Variants in SPECC1L observed in about 807,000 individuals in gnomAD.
SPECC1L encodes cytospin-A.
Under a neutral mutation model 116.8 loss-of-function variants are expected in SPECC1L, and 40 were observed. The observed-to-expected ratio is 0.34, with a 90% CI of 0.27 to 0.45. SPECC1L has a LOEUF of 0.45. Ranked by LOEUF, SPECC1L falls within the 20% of genes least tolerant of loss-of-function variation. SPECC1L has a pLI of 1.00. For synonymous variants in SPECC1L, 504 were observed against 500.6 expected, an observed-to-expected ratio of 1.01 and a Z score of -0.09; for missense variants, 1,110 against 1,373.6, an observed-to-expected ratio of 0.81 and a Z score of 3.03.
At chr22:24,372,016 C>G (rs528578212) in intron 14 of SPECC1L, among the ~76,000 whole-genome samples, 1 of 152,242 alleles carries the variant, frequency 6.6e-6, no homozygotes, top group Non-Finnish European at 1.5e-5. Context: ...CCACCGCGCC[C>G]GGTCTCAAAG....
chr22:24,357,823 C>T (rs1344559244), intron 11 of SPECC1L, among the ~76,000 whole-genome samples: 3 of 152,190 alleles, frequency 2.0e-5, no homozygotes, highest in Non-Finnish European at 4.4e-5. Context: ...TTAGGCTGTC[C>T]TTTGCATTTC....
chr22:24,296,598 T>G (rs1186187205), intron 2 of SPECC1L, among the ~76,000 whole-genome samples: 2 of 151,360 alleles, frequency 1.3e-5, no homozygotes, highest in Non-Finnish European at 2.9e-5. Flanking sequence ...TTTCCACCAC[T>G]TCCCCTTCTC....
intron 3 of SPECC1L, among the ~76,000 whole-genome samples, chr22:24,311,095 T>C (rs939703013): frequency 6.6e-6 from 1 of 152,224 alleles, no homozygotes; most frequent in Non-Finnish European, 1.5e-5. Flanking sequence ...GGACTCTGTT[T>C]CACTAGTTTA....
At chr22:24,412,842 G>GGACCCTCCCTT in intron 16 of SPECC1L, 135 bp downstream of exon 16, 1 of 916,240 alleles carries the variant, frequency 1.1e-6, no homozygotes, top group Non-Finnish European at 1.8e-6. Context: ...GGGTGCTCTG[G>GGACCCTCCCTT]GGCCAAGGGA....
At chr22:24,344,959 G>A (rs2041260242) in intron 10 of SPECC1L, among the ~76,000 whole-genome samples, 1 of 152,098 alleles carries the variant, frequency 6.6e-6, no homozygotes, top group South Asian at 2.1e-4. Context: ...TTTTAAATTG[G>A]TCTGTAGATT....
intron 11 of SPECC1L, among the ~76,000 whole-genome samples, chr22:24,360,608 G>A (rs1277713147): frequency 6.6e-6 from 1 of 152,046 alleles, no homozygotes; most frequent in African/African-American, 2.4e-5. Flanking sequence ...AGAAAATTAA[G>A]ATAACTTAGA....
At chr22:24,345,126 G>A (rs2041264193) in intron 10 of SPECC1L, among the ~76,000 whole-genome samples, 1 of 152,190 alleles carries the variant, frequency 6.6e-6, no homozygotes, top group Admixed American at 6.5e-5. Context: ...TGTACTACCT[G>A]ATTTCAACAT....
chr22:24,374,786 G>A (rs948666107), intron 14 of SPECC1L, among the ~76,000 whole-genome samples: 1 of 150,680 alleles, frequency 6.6e-6, no homozygotes, highest in Admixed American at 6.6e-5. Context: ...TAAAAAAAAA[G>A]GAAGTAGAAA....
chr22:24,280,642 A>G, intron 2 of SPECC1L, among the ~76,000 whole-genome samples: 1 of 146,838 alleles, frequency 6.8e-6, no homozygotes, highest in Admixed American at 6.9e-5. Context: ...CAGCAGTATG[A>G]CCACAGCTTA....
At chr22:24,411,505 C>T in intron 14 of SPECC1L, 83 bp from the exon 15 acceptor site, 1 of 1,259,086 alleles carries the variant, frequency 7.9e-7, no homozygotes, top group African/African-American at 1.5e-5. Context: ...CATGCAGCAT[C>T]TGAGGCCTCC....
chr22:24,324,654 C>T (rs1012147282), intron 6 of SPECC1L, among the ~76,000 whole-genome samples: 116 of 152,058 alleles, frequency 7.6e-4, no homozygotes, highest in African/African-American at 2.8e-3. Context: ...AGTTTGAGAC[C>T]AGCCTGGCCA....
At chr22:24,391,538 T>TA (rs999374606) in intron 14 of SPECC1L, among the ~76,000 whole-genome samples, 15 of 151,996 alleles carry the variant, frequency 9.9e-5, no homozygotes, top group African/African-American at 3.6e-4. Flanking sequence ...GGGGAAGGAG[T>TA]GGAGGCCTTG....
At chr22:24,351,788 C>T (rs2041429850) in intron 11 of SPECC1L, among the ~76,000 whole-genome samples, 1 of 152,164 alleles carries the variant, frequency 6.6e-6, no homozygotes, top group Non-Finnish European at 1.5e-5. Flanking sequence ...GCTTTTCTTC[C>T]TTGGTTGTCT....
At chr22:24,293,468 A>G (rs1444190896) in intron 2 of SPECC1L, among the ~76,000 whole-genome samples, 1 of 152,096 alleles carries the variant, frequency 6.6e-6, no homozygotes, top group Non-Finnish European at 1.5e-5. Context: ...AAAAAATAAA[A>G]GGGGGGAAAA....
intron 14 of SPECC1L, among the ~76,000 whole-genome samples, chr22:24,382,253 A>G (rs997203367): frequency 6.6e-6 from 1 of 152,122 alleles, no homozygotes; most frequent in African/African-American, 2.4e-5. Context: ...TTTTTCCCTT[A>G]GGGCGGTGGC....
At chr22:24,272,345 A>G (rs1187644550) in intron 1 of SPECC1L, among the ~76,000 whole-genome samples, 4 of 152,052 alleles carry the variant, frequency 2.6e-5, no homozygotes, top group East Asian at 2.0e-4. Context: ...AGCCTGGGCT[A>G]CAGAGCGAGG....
intron 10 of SPECC1L, among the ~76,000 whole-genome samples, chr22:24,339,870 T>A (rs942996493): frequency 6.6e-6 from 1 of 152,024 alleles, no homozygotes; most frequent in African/African-American, 2.4e-5. Flanking sequence ...GCACAACCTC[T>A]GCCTCCCAGG....
intron 11 of SPECC1L, among the ~76,000 whole-genome samples, chr22:24,351,538 C>G (rs1345837409): frequency 6.6e-6 from 1 of 152,180 alleles, no homozygotes; most frequent in Non-Finnish European, 1.5e-5. Context: ...TTCTCCACTT[C>G]AGTCTGTTGT....
intron 11 of SPECC1L, among the ~76,000 whole-genome samples, chr22:24,354,589 A>G (rs2041491237): frequency 6.6e-6 from 1 of 151,494 alleles, no homozygotes; most frequent in South Asian, 2.1e-4. Context: ...TTCTGGCACT[A>G]CAAGATGCTC....
Sources: allele counts gnomAD v4.1 joint callset (sites outside exome capture counted in the v4.1 genomes callset), GRCh38; gene constraint gnomAD v4.1.1; transcripts MANE v1.5; gene names NCBI Gene and HGNC (gene_info 2026-07-23, HGNC 2026-07-21).